The following TMEM131 variants were observed in gnomAD, a reference collection of about 807,000 sequenced individuals.
TMEM131 encodes 2610524E03Rik.
Under a neutral mutation model 211.6 loss-of-function variants are expected in TMEM131, and 66 were observed. That is an observed-to-expected ratio of 0.31 (90% CI 0.26 to 0.38). TMEM131 has a LOEUF of 0.38. Among genes scored for constraint, TMEM131 ranks in the 10% least tolerant of loss-of-function variants. The pLI is 1.00. For synonymous variants in TMEM131, 844 were observed against 841.3 expected, an observed-to-expected ratio of 1.00 and a Z score of -0.06; for missense variants, 2,036 against 2,299.3, an observed-to-expected ratio of 0.89 and a Z score of 2.34.
chr2:97,779,571 CCT>C (rs1482746710), intron 31 of TMEM131, among the ~76,000 whole-genome samples: 2 of 152,208 alleles, frequency 1.3e-5, no homozygotes, highest in East Asian at 1.9e-4. Context: ...CAAAGTGTCC[CCT>C]GTTGCCCCAG....
At chr2:97,969,337 T>G (rs1043877860) in intron 1 of TMEM131, among the ~76,000 whole-genome samples, 3 of 152,024 alleles carry the variant, frequency 2.0e-5, no homozygotes, top group African/African-American at 7.2e-5. Context: ...TAATCACCAG[T>G]TTCTTCCAGG....
At chr2:97,781,456 T>C (rs1216069022) in intron 31 of TMEM131, among the ~76,000 whole-genome samples, 1 of 152,334 alleles carries the variant, frequency 6.6e-6, no homozygotes, top group East Asian at 1.9e-4. Flanking sequence ...ATGAGTTTGG[T>C]TTTTGTGAGA....
intron 5 of TMEM131, among the ~76,000 whole-genome samples, chr2:97,851,339 G>A (rs1673620429): frequency 6.6e-6 from 1 of 152,078 alleles, no homozygotes; most frequent in Non-Finnish European, 1.5e-5. Flanking sequence ...CAATTCAGCT[G>A]ACTCAACTCT....
rs375751192 is a variant in TMEM131, at chr2:97,793,417, C to T, written c.3523G>A (p.Val1175Ile). The T allele has an allele frequency of 1.2e-5, 20 of 1,613,340 alleles. No homozygotes were observed. Among genetic ancestry groups the T allele is most frequent in the Admixed American group, 1.7e-5 (1 of 59,958 alleles). The change falls in exon 30 of 41, where the codon GTT (valine) becomes ATT (isoleucine). Residue 1175 changes from valine (V) to isoleucine (I), a missense_variant. By Grantham distance (29) the Val-to-Ile change is conservative. Coordinates refer to ENST00000186436, the MANE Select transcript of TMEM131 (RefSeq NM_015348.2). The stretch of plus-strand genomic sequence containing the variant: ...TACTTTCCTTCAGATGAAATACCAA[C>T]GATTCTCCTGAGATCAAATGGCCTT... ...VGRPFDLRRI[V>I]GISSEGNLNT...
At chr2:97,925,181 T>C (rs1676929553) in intron 2 of TMEM131, among the ~76,000 whole-genome samples, 2 of 152,028 alleles carry the variant, frequency 1.3e-5, no homozygotes, top group Admixed American at 6.6e-5. Context: ...CCTGCCTCTA[T>C]TTTTTTTAAA....
chr2:97,859,723 T>C (rs1673989346), intron 4 of TMEM131, among the ~76,000 whole-genome samples: 1 of 152,160 alleles, frequency 6.6e-6, no homozygotes, highest in Non-Finnish European at 1.5e-5. Context: ...GTCAGTTCCT[T>C]TTCTTTCTTT....
At chr2:97,988,997 A>G (rs1680149477) in intron 1 of TMEM131, among the ~76,000 whole-genome samples, 2 of 152,222 alleles carry the variant, frequency 1.3e-5, no homozygotes, top group African/African-American at 2.4e-5. Context: ...AAGAGGTAGG[A>G]GCAAGCCTAG....
At chr2:97,759,508 G>T in intron 39 of TMEM131, 144 bp downstream of exon 39, 1 of 678,654 alleles carries the variant, frequency 1.5e-6, no homozygotes, top group Non-Finnish European at 2.5e-6. Context: ...GAGGAAGAGG[G>T]GAGGGGACCC....
chr2:97,770,979 C>G (rs1319568894), intron 33 of TMEM131, among the ~76,000 whole-genome samples: 1 of 152,142 alleles, frequency 6.6e-6, no homozygotes, highest in African/African-American at 2.4e-5. Flanking sequence ...GCTAGTAGCC[C>G]AGTGTTATTC....
At chr2:97,989,016 G>A (rs1680150324) in intron 1 of TMEM131, among the ~76,000 whole-genome samples, 1 of 152,180 alleles carries the variant, frequency 6.6e-6, no homozygotes, top group South Asian at 2.1e-4. Context: ...AGTGTCCACG[G>A]ATGGATGAAT....
intron 5 of TMEM131, among the ~76,000 whole-genome samples, chr2:97,857,425 T>C (rs1386687252): frequency 1.3e-5 from 2 of 152,122 alleles, no homozygotes; most frequent in Non-Finnish European, 2.9e-5. Flanking sequence ...TGTATTACGG[T>C]AGCAATGAAA....
intron 1 of TMEM131, among the ~76,000 whole-genome samples, chr2:97,928,343 A>G (rs190766674): frequency 2.0e-5 from 3 of 152,202 alleles, no homozygotes; most frequent in South Asian, 2.1e-4. Context: ...GAAAGGTTGA[A>G]TAAGTGAAGC....
At chr2:97,992,397 T>C (rs920068389) in intron 1 of TMEM131, among the ~76,000 whole-genome samples, 2 of 152,328 alleles carry the variant, frequency 1.3e-5, no homozygotes, top group Middle Eastern at 3.4e-3. Flanking sequence ...CATGAAACTA[T>C]AGTACACTGG....
At chr2:97,869,218 A>G (rs1012204033) in intron 4 of TMEM131, among the ~76,000 whole-genome samples, 1 of 152,242 alleles carries the variant, frequency 6.6e-6, no homozygotes, top group African/African-American at 2.4e-5. Flanking sequence ...AGTACAATCA[A>G]TCTCAGCTAA....
At chr2:97,794,192 A>C (rs1464067692) in intron 29 of TMEM131, among the ~76,000 whole-genome samples, 1 of 151,480 alleles carries the variant, frequency 6.6e-6, no homozygotes, top group Non-Finnish European at 1.5e-5. Flanking sequence ...GCATCACCAC[A>C]TCCGGCTAAT....
chr2:97,759,841 A>G lies in TMEM131; in HGVS notation c.5109-92T>C. ...GTGCACAGCTTCACAAACAGGAGAC[A>G]CTGCTTCAACTGGGGGTACTCAAAT... On this transcript the variant is annotated intron_variant, in intron 38 of 40. Coordinates refer to ENST00000186436, the MANE Select transcript of TMEM131 (RefSeq NM_015348.2). 3 of 825,058 alleles carry G rather than the reference A, an allele frequency of 3.6e-6. No individual in the cohort carries two copies. The South Asian group carries it at 4.4e-5, about 12-fold the overall frequency. 51.1% of individuals were successfully genotyped at this position (825,058 alleles called of 1,614,324 possible).
At chr2:97,832,808 T>C (rs927564911) in intron 11 of TMEM131, among the ~76,000 whole-genome samples, 1 of 152,184 alleles carries the variant, frequency 6.6e-6, no homozygotes, top group Non-Finnish European at 1.5e-5. Flanking sequence ...CTCAATTCCA[T>C]ATGGCCTAAA....
intron 4 of TMEM131, among the ~76,000 whole-genome samples, chr2:97,869,128 A>G (rs1674390403): frequency 6.6e-6 from 1 of 152,250 alleles, no homozygotes; most frequent in Non-Finnish European, 1.5e-5. Flanking sequence ...TTTACAATTC[A>G]AATAGACTTC....
chr2:97,850,142 T>G (rs1049189651), intron 5 of TMEM131, among the ~76,000 whole-genome samples: 1 of 151,752 alleles, frequency 6.6e-6, no homozygotes, highest in African/African-American at 2.4e-5. Flanking sequence ...AATATCATTT[T>G]CCCATCTAAG....
Sources: allele counts gnomAD v4.1 joint callset (sites outside exome capture counted in the v4.1 genomes callset), GRCh38; gene constraint gnomAD v4.1.1; transcripts MANE v1.5; gene names NCBI Gene and HGNC (gene_info 2026-07-23, HGNC 2026-07-21).